STARD9: variants seen among roughly 807,000 people sequenced by gnomAD.
STARD9 encodes the protein stAR-related lipid transfer protein 9.
STARD9 carries 346 observed loss-of-function variants against 399.8 expected under a neutral mutation model. That is an observed-to-expected ratio of 0.87 (90% CI 0.79 to 0.95). The LOEUF is 0.95. Ranked by LOEUF, STARD9 falls within the 40% of genes least tolerant of loss-of-function variation. STARD9 has a pLI of 0.00. For missense variants in STARD9, 5,832 were observed against 5,667.5 expected (o/e 1.03, Z -0.93); for synonymous variants, 2,203 against 2,143.5 (o/e 1.03, Z -0.77).
At chr15:42,673,928 C>A in intron 16 of STARD9, 1 of 456,438 alleles carries the variant, frequency 2.2e-6, no homozygotes, top group Non-Finnish European at 4.4e-6. Context: ...TTCTTAGAAT[C>A]TGGTGTCTGT....
chr15:42,611,417 T>TTC (rs959420014), intron 3 of STARD9, among the ~76,000 whole-genome samples: 26 of 152,228 alleles, frequency 1.7e-4, no homozygotes, highest in African/African-American at 6.0e-4. Flanking sequence ...GTTGGAGACA[T>TTC]TCTCGTTCTT....
At chr15:42,614,960 G>T (rs569234592) in intron 3 of STARD9, among the ~76,000 whole-genome samples, 6 of 148,754 alleles carry the variant, frequency 4.0e-5, no homozygotes, top group Non-Finnish European at 8.9e-5. Flanking sequence ...GCGAGACTCC[G>T]TCTCAAAAAA....
At chr15:42,701,998 A>C (rs972381125) in intron 26 of STARD9, among the ~76,000 whole-genome samples, 2 of 150,494 alleles carry the variant, frequency 1.3e-5, no homozygotes, top group African/African-American at 4.9e-5. Context: ...GACTCAAAAA[A>C]AAAAAAAAAA....
intron 26 of STARD9, among the ~76,000 whole-genome samples, chr15:42,705,301 A>G (rs928643033): frequency 3.3e-5 from 5 of 152,094 alleles, no homozygotes; most frequent in East Asian, 1.9e-4. Context: ...ACTTTTATCT[A>G]TCAACTGGTT....
rs2061398385 is a variant in STARD9, at chr15:42,718,794, T to C, written c.13885T>C (p.Ser4629Pro). The C allele has an allele frequency of 1.3e-6, 2 of 1,537,218 alleles. No individual in the cohort carries two copies. The highest frequency in any genetic ancestry group is 2.7e-5 in the African/African-American group (2 of 73,144). The change falls in exon 32 of 33, where the codon TCC (serine) becomes CCC (proline). Residue 4629 changes from serine (S) to proline (P), a missense_variant. Physicochemically the swap from Ser to Pro is moderately conservative, Grantham distance 74 (BLOSUM62 -1). Coordinates refer to ENST00000290607, the MANE Select transcript of STARD9 (RefSeq NM_020759.3). ...VMAAQSVYDT[S>P]MPRPSRKMVR... is the part of the protein sequence containing the mutation. ...GGCAGCCCAGTCTGTGTATGATACATCCATGCCAAGACCCAGCAGAAAAAT... is the reference window on the plus strand; with the variant it reads ...GGCAGCCCAGTCTGTGTATGATACACCCATGCCAAGACCCAGCAGAAAAAT...
intron 3 of STARD9, among the ~76,000 whole-genome samples, chr15:42,632,479 CTGGTTGTTTTG>C (rs1161485482): frequency 1.3e-5 from 2 of 152,112 alleles, no homozygotes; most frequent in Non-Finnish European, 2.9e-5. Flanking sequence ...TATTTGTTTT[CTGGTTGTTTTG>C]TGGTCTTTTC....
At chr15:42,719,135 T>A (rs1333111456) in intron 32 of STARD9, among the ~76,000 whole-genome samples, 1 of 152,204 alleles carries the variant, frequency 6.6e-6, no homozygotes, top group Non-Finnish European at 1.5e-5. Context: ...AAGCTGCTGT[T>A]ACCGAAAACC....
chr15:42,641,506 C>T, intron 7 of STARD9, among the ~76,000 whole-genome samples: 1 of 133,684 alleles, frequency 7.5e-6, no homozygotes, highest in Non-Finnish European at 1.6e-5. Context: ...CTAATGCTTT[C>T]CCTCCCCCCA....
At chr15:42,662,373 T>C (rs1375536437) in intron 10 of STARD9, among the ~76,000 whole-genome samples, 1 of 152,210 alleles carries the variant, frequency 6.6e-6, no homozygotes. Flanking sequence ...CAATTGGAAG[T>C]GTGAATTTTT....
intron 3 of STARD9, among the ~76,000 whole-genome samples, chr15:42,593,102 C>CTTGG (rs1218251766): frequency 6.6e-6 from 1 of 152,142 alleles, no homozygotes; most frequent in Admixed American, 6.5e-5. Context: ...AGTGCTGTGC[C>CTTGG]TTGGGTCCCT....
rs1430317980 is a variant in STARD9, at chr15:42,662,982, CT to C, written c.868+95del. On this transcript the variant is annotated intron_variant, in intron 11 of 32. Coordinates refer to ENST00000290607, the MANE Select transcript of STARD9 (RefSeq NM_020759.3). ...TCGCAATAGGGTAGACACAGGGTTC[CT>C]TTTGATAAGGTTACCTTCTGGTTTG... 3.0e-6 allele frequency: 3 copies of C among 1,012,344 alleles called. No individual in the cohort carries two copies. In the African/African-American group the frequency reaches 4.8e-5, roughly 16 times the overall value. 62.7% of individuals were successfully genotyped at this position (1,012,344 alleles called of 1,614,324 possible).
intron 3 of STARD9, among the ~76,000 whole-genome samples, chr15:42,626,324 C>CTCCTTTTCCTCTTCT (rs2059213724): frequency 2.4e-5 from 3 of 127,022 alleles, no homozygotes; most frequent in Admixed American, 7.3e-5. Flanking sequence ...CCTCTTCTTC[C>CTCCTTTTCCTCTTCT]TCCTCTTCCT....
intron 3 of STARD9, among the ~76,000 whole-genome samples, chr15:42,625,173 T>A (rs2059175920): frequency 6.6e-6 from 1 of 150,500 alleles, no homozygotes; most frequent in Admixed American, 6.6e-5. Context: ...ATTACAGATG[T>A]GTACCACCAC....
intron 26 of STARD9, among the ~76,000 whole-genome samples, chr15:42,711,042 A>G (rs548964514): frequency 6.6e-6 from 1 of 151,040 alleles, no homozygotes; most frequent in Non-Finnish European, 1.5e-5. Flanking sequence ...CTGTGGTGCA[A>G]TCACAGCTCA....
intron 6 of STARD9, 192 bp downstream of exon 6, chr15:42,638,279 C>T: frequency 1.6e-6 from 1 of 615,774 alleles, no homozygotes. Context: ...ATTTCCTACC[C>T]ATAGACTTAA....
chr15:42,641,001 T>C (rs2059524656), intron 7 of STARD9, among the ~76,000 whole-genome samples: 2 of 152,128 alleles, frequency 1.3e-5, no homozygotes, highest in African/African-American at 4.8e-5. Flanking sequence ...AAACTTGCAT[T>C]GCATTGGAAG....
chr15:42,624,453 TAAAAC>T (rs1230075332), intron 3 of STARD9, among the ~76,000 whole-genome samples: 1 of 146,698 alleles, frequency 6.8e-6, no homozygotes, highest in Non-Finnish European at 1.5e-5. Context: ...TATCTAGAAA[TAAAAC>T]AAAAGTCTGA....
intron 26 of STARD9, among the ~76,000 whole-genome samples, chr15:42,713,349 A>C (rs566983460): frequency 5.9e-5 from 9 of 152,076 alleles, no homozygotes; most frequent in African/African-American, 2.2e-4. Flanking sequence ...ATTCCTTAAG[A>C]TATTCTATAT....
At chr15:42,637,868 T>G in intron 4 of STARD9, 39 bp from the exon 5 acceptor site, 1 of 1,536,006 alleles carries the variant, frequency 6.5e-7, no homozygotes, top group Middle Eastern at 1.7e-4. Context: ...AGCATCATCT[T>G]AAGTAAACAA....
Sources: gnomAD v4.1 joint callset for allele counts (sites outside exome capture counted in the v4.1 genomes callset) on GRCh38, gnomAD v4.1.1 for gene constraint, MANE v1.5 for transcripts, NCBI Gene and HGNC (gene_info 2026-07-23, HGNC 2026-07-21) for gene names.